Variants in FARS2 observed in about 807,000 individuals in gnomAD.
FARS2 encodes the protein phenylalanyl-tRNA synthetase 2, mitochondrial.
FARS2 carries 40 observed loss-of-function variants against 46.4 expected under a neutral mutation model. That is an observed-to-expected ratio of 0.86 (90% CI 0.67 to 1.12). The LOEUF (loss-of-function observed/expected upper bound fraction) is 1.12. Ranked by LOEUF, FARS2 falls within the 50% of genes most tolerant of loss-of-function variation. The pLI is 0.00. For missense variants in FARS2, 513 were observed against 567.9 expected, an observed-to-expected ratio of 0.90 and a Z score of 0.98; for synonymous variants, 234 against 214.9, an observed-to-expected ratio of 1.09 and a Z score of -0.78.
chr6:5,529,229 T>C (rs955782979), intron 4 of FARS2, among the ~76,000 whole-genome samples: 1 of 152,212 alleles, frequency 6.6e-6, no homozygotes, highest in African/African-American at 2.4e-5. Context: ...AGCAAGTCAA[T>C]GTTTCTTTCT....
rs538104406 is a variant in FARS2 at position 5,441,072 on chromosome 6, C to T, written c.904+9900C>T. Among the ~76,000 whole-genome samples the T allele has an allele frequency of 1.0e-3, 158 of 152,256 alleles. 2 individuals carry two copies. The highest frequency in any genetic ancestry group is 3.3e-3 in the African/African-American group (139 of 41,540). ...GAGTAGCTGGGACTACAGGTGTGCG[C>T]CACCACAACCGGCTAATTTTTGTAT... is the stretch of plus-strand genomic sequence containing the variant. On this transcript the variant is annotated intron_variant, in intron 4 of 6. Transcript: ENST00000274680.
chr6:5,512,181 T>C (rs1375701536), intron 4 of FARS2, among the ~76,000 whole-genome samples: 1 of 152,138 alleles, frequency 6.6e-6, no homozygotes, highest in Non-Finnish European at 1.5e-5. Flanking sequence ...GGAAATTCAA[T>C]TGCTCACATA....
intron 2 of FARS2, among the ~76,000 whole-genome samples, chr6:5,370,625 T>A (rs923800827): frequency 6.6e-6 from 1 of 152,148 alleles, no homozygotes; most frequent in Non-Finnish European, 1.5e-5. Context: ...AAGAAAGGAC[T>A]GTGTGCTCTG....
At chr6:5,581,583 C>T (rs1265361676) in intron 5 of FARS2, among the ~76,000 whole-genome samples, 2 of 152,152 alleles carry the variant, frequency 1.3e-5, no homozygotes, top group South Asian at 2.1e-4. Context: ...CTCCAGCTGA[C>T]AGCTGCTTTG....
At chr6:5,512,390 A>G (rs1443387030) in intron 4 of FARS2, among the ~76,000 whole-genome samples, 3 of 152,070 alleles carry the variant, frequency 2.0e-5, no homozygotes, top group Admixed American at 1.3e-4. Context: ...CAAGAAGGGC[A>G]TGTCTTCTCC....
intron 5 of FARS2, among the ~76,000 whole-genome samples, chr6:5,577,188 T>C (rs942506396): frequency 6.6e-6 from 1 of 152,160 alleles, no homozygotes; most frequent in Non-Finnish European, 1.5e-5. Flanking sequence ...GAAGAGTAAA[T>C]ATATTGAAAA....
At chr6:5,546,255 CTTTT>C (rs70975919) in intron 5 of FARS2, among the ~76,000 whole-genome samples, 1 of 122,110 alleles carries the variant, frequency 8.2e-6, no homozygotes, top group African/African-American at 3.0e-5. Context: ...CAATTTTGTA[CTTTT>C]TTTTTTTTTT....
intron 6 of FARS2, among the ~76,000 whole-genome samples, chr6:5,645,800 T>C (rs983996590): frequency 2.0e-5 from 3 of 152,224 alleles, no homozygotes; most frequent in Non-Finnish European, 4.4e-5. Flanking sequence ...ATATTAAAAG[T>C]AATTGCACGG....
chr6:5,374,694 T>C (rs73350508), intron 2 of FARS2, among the ~76,000 whole-genome samples: 8,854 of 152,152 alleles, frequency 0.058, 303 homozygotes, highest in Middle Eastern at 0.15. Flanking sequence ...TGAACAGATA[T>C]AGAATTATTA....
At chr6:5,706,993 A>G (rs764755783) in intron 6 of FARS2, among the ~76,000 whole-genome samples, 2 of 152,172 alleles carry the variant, frequency 1.3e-5, no homozygotes, top group African/African-American at 2.4e-5. Context: ...ATGAACCAAA[A>G]TGTTTTGTTT....
intron 6 of FARS2, among the ~76,000 whole-genome samples, chr6:5,726,904 C>G (rs1009514456): frequency 2.0e-5 from 3 of 152,204 alleles, no homozygotes; most frequent in Non-Finnish European, 4.4e-5. Context: ...GTGAGCTTCC[C>G]GGGTAACTGG....
intron 6 of FARS2, among the ~76,000 whole-genome samples, chr6:5,681,591 C>A (rs1193010087): frequency 6.6e-6 from 1 of 152,226 alleles, no homozygotes; most frequent in East Asian, 1.9e-4. Context: ...TCCTTTGCAG[C>A]AGCTTATGAA....
At chr6:5,296,432 T>C (rs563366038) in intron 1 of FARS2, among the ~76,000 whole-genome samples, 64 of 152,298 alleles carry the variant, frequency 4.2e-4, no homozygotes, top group African/African-American at 1.4e-3. Flanking sequence ...TGCGCCACTG[T>C]GCCTGGCCTA....
intron 6 of FARS2, among the ~76,000 whole-genome samples, chr6:5,696,706 A>G (rs1758126368): frequency 6.6e-6 from 1 of 152,226 alleles, no homozygotes; most frequent in African/African-American, 2.4e-5. Context: ...GAGGACTGGA[A>G]TTGAGGGTAT....
chr6:5,431,084 T>G lies in FARS2; in HGVS notation c.816T>G (p.His272Gln). 5.0e-6 allele frequency: 8 copies of G among 1,613,950 alleles called. No individual in the cohort carries two copies. The highest frequency in any genetic ancestry group is 5.9e-6 in the Non-Finnish European group (7 of 1,179,858). ...RWVDCYFPFT[H>Q]PSFEMEINFH... is the part of the protein sequence containing the mutation. ...TAGACTGCTACTTCCCTTTTACACA[T>G]CCTTCCTTTGAGATGGAGATCAACT... The change falls in exon 4 of 7, where the codon CAT becomes CAG. Residue 272 changes from histidine to glutamine, a missense_variant. Physicochemically the swap from His to Gln is conservative, Grantham distance 24. Coordinates refer to ENST00000274680, the MANE Select transcript of FARS2 (RefSeq NM_006567.5).
intron 3 of FARS2, among the ~76,000 whole-genome samples, chr6:5,425,985 G>GA (rs1175077499): frequency 6.6e-6 from 1 of 152,242 alleles, no homozygotes; most frequent in Admixed American, 6.5e-5. Flanking sequence ...GGTTTCACAG[G>GA]AAAAATGGTA....
intron 6 of FARS2, among the ~76,000 whole-genome samples, chr6:5,658,540 C>A (rs1038109145): frequency 1.3e-5 from 2 of 152,212 alleles, no homozygotes; most frequent in Non-Finnish European, 2.9e-5. Flanking sequence ...ACTACATAAA[C>A]TACATTACAT....
intron 6 of FARS2, among the ~76,000 whole-genome samples, chr6:5,703,745 G>T (rs766935694): frequency 2.0e-5 from 3 of 152,096 alleles, no homozygotes; most frequent in Non-Finnish European, 4.4e-5. Context: ...TGGACACAGG[G>T]GCTTTTCACT....
chr6:5,531,926 C>T (rs186655382), intron 4 of FARS2, among the ~76,000 whole-genome samples: 20 of 152,322 alleles, frequency 1.3e-4, no homozygotes, highest in Non-Finnish European at 2.4e-4. Context: ...GCATGTCCAT[C>T]ATTGTAACTA....
Sources: gnomAD v4.1 joint callset for allele counts (sites outside exome capture counted in the v4.1 genomes callset) on GRCh38, gnomAD v4.1.1 for gene constraint, MANE v1.5 for transcripts, NCBI Gene and HGNC (gene_info 2026-07-23, HGNC 2026-07-21) for gene names.